The following SPAG1 variants were observed in gnomAD, a reference collection of about 807,000 sequenced individuals.
SPAG1 encodes sperm-associated antigen 1.
In SPAG1, 69 loss-of-function variants were observed where a neutral mutation model predicts 100.5. The observed-to-expected ratio is 0.69, with a 90% CI of 0.57 to 0.84. SPAG1 has a LOEUF of 0.84. Ranked by LOEUF, SPAG1 falls within the 40% of genes least tolerant of loss-of-function variation. The probability of loss-of-function intolerance (pLI) is 0.00; values close to 1 mark genes in which losing one functional copy is unlikely to be tolerated. For missense variants in SPAG1, 955 were observed against 1,133.1 expected (o/e 0.84, Z 2.26); for synonymous variants, 336 against 411.6 (o/e 0.82, Z 2.22).
intron 16 of SPAG1, among the ~76,000 whole-genome samples, chr8:100,237,066 G>T (rs371626316): frequency 1.3e-5 from 2 of 151,994 alleles, no homozygotes; most frequent in African/African-American, 4.8e-5. Context: ...TTTCTGGTTT[G>T]TTGTTGTTAT....
At chr8:100,233,328 T>C (rs1818861734) in intron 15 of SPAG1, 83 bp from the exon 16 acceptor site, 7 of 1,463,632 alleles carry the variant, frequency 4.8e-6, no homozygotes, top group African/African-American at 1.4e-5. Flanking sequence ...TTGAGCTATT[T>C]TCTGATTTTT....
Position 100,172,805 on chromosome 8 carries a change from AAC to A in SPAG1, c.301-5009_301-5008del, listed in dbSNP as rs200362728. On this transcript the variant is annotated intron_variant, in intron 3 of 18. Transcript: ENST00000388798. Reference sequence around the variant, plus strand: ...TAAAAACAATTTTAAAACATCTAAAAACAATGTTGAGGTATATGTATTCTGTA... The same window carrying A: ...TAAAAACAATTTTAAAACATCTAAAAAATGTTGAGGTATATGTATTCTGTA... Among the ~76,000 whole-genome samples, 1,096 of 152,152 alleles carry A rather than the reference AAC, an allele frequency of 7.2e-3. 7 individuals are homozygous for A. The highest frequency in any genetic ancestry group is 0.02 in the Middle Eastern group (6 of 294).
At chr8:100,237,830 C>T (rs546024972) in intron 16 of SPAG1, among the ~76,000 whole-genome samples, 1 of 152,280 alleles carries the variant, frequency 6.6e-6, no homozygotes, top group South Asian at 2.1e-4. Context: ...TAGGCAGAGA[C>T]TTTCCGGATT....
At chr8:100,197,003 C>T (rs927865004) in intron 10 of SPAG1, among the ~76,000 whole-genome samples, 12 of 152,202 alleles carry the variant, frequency 7.9e-5, no homozygotes, top group Middle Eastern at 3.4e-3. Flanking sequence ...ATTCTCCCAC[C>T]TCAGGCTCCC....
intron 10 of SPAG1, among the ~76,000 whole-genome samples, chr8:100,199,313 G>A (rs1817165105): frequency 6.6e-6 from 1 of 152,188 alleles, no homozygotes; most frequent in Non-Finnish European, 1.5e-5. Flanking sequence ...ATCTTAATGG[G>A]CATGTAGTGG....
chr8:100,236,425 T>TG (rs1442970980), intron 16 of SPAG1, among the ~76,000 whole-genome samples: 3 of 152,182 alleles, frequency 2.0e-5, no homozygotes, highest in Admixed American at 6.5e-5. Flanking sequence ...ATTACAGATG[T>TG]GTGCCACCAT....
At chr8:100,212,684 C>T (rs1172087210) in intron 10 of SPAG1, among the ~76,000 whole-genome samples, 1 of 152,184 alleles carries the variant, frequency 6.6e-6, no homozygotes, top group Non-Finnish European at 1.5e-5. Context: ...GGAAAGGTGC[C>T]TCCGTGTTGG....
At chr8:100,175,664 G>A (rs1221800335) in intron 3 of SPAG1, among the ~76,000 whole-genome samples, 1 of 152,176 alleles carries the variant, frequency 6.6e-6, no homozygotes, top group Non-Finnish European at 1.5e-5. Context: ...TTAGGGGTAA[G>A]TAGACCACTT....
Position 100,176,416 on chromosome 8 carries a change from G to C in SPAG1, c.301-1400G>C, listed in dbSNP as rs556649285. Among the ~76,000 whole-genome samples the C allele has an allele frequency of 1.4e-4, 21 of 150,534 alleles. 1 individual carries two copies. Among genetic ancestry groups the C allele is most frequent in the African/African-American group, 4.6e-4 (19 of 41,006 alleles). Reference sequence around the variant, plus strand: ...AGTCTTGCTCTGTCGCCCAGGCTGGGGTGCAGTGGTGCAATCTCGGCTCGC... The same window carrying C: ...AGTCTTGCTCTGTCGCCCAGGCTGGCGTGCAGTGGTGCAATCTCGGCTCGC... On this transcript the variant is annotated intron_variant, in intron 3 of 18. Transcript: ENST00000388798.
intron 10 of SPAG1, among the ~76,000 whole-genome samples, chr8:100,205,227 A>T (rs1343299823): frequency 6.6e-6 from 1 of 152,178 alleles, no homozygotes; most frequent in Non-Finnish European, 1.5e-5. Flanking sequence ...GGACCCCACT[A>T]CAGTACCAAC....
chr8:100,207,324 C>T (rs1008151714), intron 10 of SPAG1, among the ~76,000 whole-genome samples: 5 of 152,216 alleles, frequency 3.3e-5, no homozygotes, highest in African/African-American at 1.2e-4. Flanking sequence ...GGTCTCCACT[C>T]CTGCCACCTT....
chr8:100,228,279 T>C (rs1008239879), intron 14 of SPAG1, among the ~76,000 whole-genome samples: 1 of 151,988 alleles, frequency 6.6e-6, no homozygotes, highest in African/African-American at 2.4e-5. Flanking sequence ...GTTTATATTA[T>C]AAATTTAGGG....
chr8:100,176,529 C>G (rs1327835241), intron 3 of SPAG1, among the ~76,000 whole-genome samples: 1 of 151,946 alleles, frequency 6.6e-6, no homozygotes, highest in East Asian at 1.9e-4. Flanking sequence ...CCACACCTGG[C>G]TAATTTTGTA....
At chr8:100,216,322 C>T (rs1029385960) in intron 12 of SPAG1, among the ~76,000 whole-genome samples, 5 of 152,182 alleles carry the variant, frequency 3.3e-5, no homozygotes, top group Admixed American at 2.6e-4. Flanking sequence ...GAGGTCAGGA[C>T]ACTTTAGTTA....
chr8:100,233,163 TTG>T (rs1205693198), intron 15 of SPAG1: 4 of 397,192 alleles, frequency 1.0e-5, no homozygotes, highest in African/African-American at 4.2e-5. Context: ...ACAGATTTTA[TTG>T]TGTTTGCTTG....
At chr8:100,162,530 G>T in intron 2 of SPAG1, 110 bp downstream of exon 2, 1 of 863,422 alleles carries the variant, frequency 1.2e-6, no homozygotes, top group Non-Finnish European at 1.7e-6. Flanking sequence ...GCCCATGCAT[G>T]GTAGGTCCCA....
chr8:100,209,435 A>C (rs2132338051), intron 10 of SPAG1, among the ~76,000 whole-genome samples: 1 of 149,704 alleles, frequency 6.7e-6, no homozygotes, highest in South Asian at 2.1e-4. Context: ...TCAAAAAAAA[A>C]AAAAGAAGAA....
rs147941145 is a variant in SPAG1, at chr8:100,239,430, A to G, written c.2280+26A>G. On this transcript the variant is annotated intron_variant, in intron 17 of 18. Transcript: ENST00000388798. This position sits in a 1 kb window ranked among gnomAD's most constrained non-coding sequence, Gnocchi z 5.0. ...GTATTTGTATTTGATTATCTTTGAA[A>G]GTACTCCTTTGGGGACCTTAGACTG... is the stretch of plus-strand genomic sequence containing the variant. The G allele has an allele frequency of 7.6e-6, 11 of 1,451,326 alleles. No individual in the cohort carries two copies. The African/African-American group carries it at 1.5e-4, about 20-fold the overall frequency. The allele number at this position is 1,451,326 out of a possible 1,614,324, so 89.9% of individuals were successfully genotyped here.
rs56109104 is a variant in SPAG1, at chr8:100,194,540, A to G, written c.1096+272A>G. 99,367 of 542,082 alleles carry G rather than the reference A, an allele frequency of 0.18. 9,801 individuals carry two copies. The highest frequency in any genetic ancestry group is 0.25 in the Middle Eastern group (529 of 2,106). 33.6% of individuals were successfully genotyped at this position (542,082 alleles called of 1,614,324 possible). ...ATGTAAATGGCTGTGTTTATTTGAC[A>G]CAGACCATTTGCCAGTTAACTTTAA... On this transcript the variant is annotated intron_variant, in intron 10 of 18. Coordinates refer to ENST00000388798, the MANE Select transcript of SPAG1 (RefSeq NM_003114.5).
Sources: allele counts gnomAD v4.1 joint callset (sites outside exome capture counted in the v4.1 genomes callset), GRCh38; gene constraint gnomAD v4.1.1; non-coding constraint Gnocchi (gnomAD v3.1); transcripts MANE v1.5; gene names NCBI Gene and HGNC (gene_info 2026-07-23, HGNC 2026-07-21).